The following TNK2 variants were observed in gnomAD, a reference collection of about 807,000 sequenced individuals.
TNK2 encodes tyrosine kinase non receptor 2.
Under a neutral mutation model 101.8 loss-of-function variants are expected in TNK2, and 83 were observed. The observed-to-expected ratio is 0.82, with a 90% CI of 0.68 to 0.98. TNK2 has a LOEUF of 0.98. TNK2 is among the 50% of genes least tolerant of loss of function. The pLI, the probability that TNK2 is intolerant of heterozygous loss-of-function variation, is 0.00. For synonymous variants in TNK2, 804 were observed against 633.0 expected (o/e 1.27, Z -4.06); for missense variants, 1,665 against 1,483.2 (o/e 1.12, Z -2.01).
chr3:195,901,133 C>T (rs4927791), intron 1 of TNK2, among the ~76,000 whole-genome samples: 42,512 of 151,804 alleles, frequency 0.28, 6,196 homozygotes, highest in African/African-American at 0.36. Context: ...GAGAAATGTC[C>T]GGTGCTTCAA....
At chr3:195,876,330 A>G (rs1749232107) in intron 9 of TNK2, 3 of 442,122 alleles carry the variant, frequency 6.8e-6, no homozygotes, top group African/African-American at 2.0e-5. Context: ...CCGCACCAGG[A>G]AACAAATACT....
chr3:195,865,300 A>T (rs1314379985), intron 15 of TNK2, among the ~76,000 whole-genome samples: 2 of 139,232 alleles, frequency 1.4e-5, no homozygotes, highest in Non-Finnish European at 3.1e-5. Context: ...ATCAGTAAGA[A>T]CCACCCGAGA....
chr3:195,901,379 C>T (rs143060720), intron 1 of TNK2, among the ~76,000 whole-genome samples: 2,269 of 152,252 alleles, frequency 0.015, 26 homozygotes, highest in Middle Eastern at 0.034. Context: ...AGAAGAGGCC[C>T]TGCTTCATTG....
At chr3:195,872,930 G>A (rs1429995243) in intron 9 of TNK2, 1 of 170,896 alleles carries the variant, frequency 5.9e-6, no homozygotes, top group Non-Finnish European at 1.3e-5. Flanking sequence ...CTGGGTTCCA[G>A]GAGTTCTGAG....
At chr3:195,872,183 G>C (rs1447417565) in intron 10 of TNK2, 93 bp downstream of exon 10, 2 of 1,401,160 alleles carry the variant, frequency 1.4e-6, no homozygotes, top group Non-Finnish European at 1.9e-6. Flanking sequence ...CGGGCGAAAG[G>C]GTGAAGAGCA....
rs1019072659 is a variant in TNK2, at chr3:195,895,406, G to T, written c.-18-6800C>A. 6 of 1,529,530 alleles carry T rather than the reference G, an allele frequency of 3.9e-6. No individual in the cohort carries two copies. In the African/African-American group the frequency reaches 8.6e-5, roughly 22 times the overall value. 94.7% of individuals were successfully genotyped at this position (1,529,530 alleles called of 1,614,324 possible). On this transcript the variant is annotated intron_variant, in intron 1 of 15. Coordinates refer to ENST00000672887, the MANE Select transcript of TNK2 (RefSeq NM_001382273.1). ...ACTGCCCTGCGTCCTGGGGGGCCGGGCCTCGAGCATCCTCCAGAAGTGCAG... is the reference window on the plus strand; with the variant it reads ...ACTGCCCTGCGTCCTGGGGGGCCGGTCCTCGAGCATCCTCCAGAAGTGCAG...
intron 1 of TNK2, among the ~76,000 whole-genome samples, chr3:195,890,281 C>T (rs1039204098): frequency 3.9e-5 from 6 of 152,142 alleles, no homozygotes; most frequent in Non-Finnish European, 2.9e-5. Flanking sequence ...GCCTTAGTGA[C>T]ATTCAGTGGG....
chr3:195,890,880 C>G (rs1173999150), intron 1 of TNK2, among the ~76,000 whole-genome samples: 1 of 152,202 alleles, frequency 6.6e-6, no homozygotes, highest in Admixed American at 6.5e-5. Flanking sequence ...TCAAAACTCC[C>G]CTCTCGGTCA....
chr3:195,875,668 C>A (rs890332265), intron 9 of TNK2, among the ~76,000 whole-genome samples: 1 of 152,182 alleles, frequency 6.6e-6, no homozygotes, highest in Non-Finnish European at 1.5e-5. Flanking sequence ...CTCTCTCTCC[C>A]GCCATGAACA....
intron 1 of TNK2, among the ~76,000 whole-genome samples, chr3:195,889,494 C>T (rs370822664): frequency 1.6e-4 from 25 of 152,312 alleles, no homozygotes; most frequent in East Asian, 1.5e-3. Context: ...CTTCTGCGGA[C>T]GCTTCAGACT....
intron 9 of TNK2, 94 bp from the exon 10 acceptor site, chr3:195,872,564 G>C: frequency 7.5e-7 from 1 of 1,332,386 alleles, no homozygotes; most frequent in Non-Finnish European, 1.0e-6. Flanking sequence ...TGGCAGAAGG[G>C]GGATGGAGCT....
Position 195,868,277 on chromosome 3 carries a change from AC to A in TNK2, c.2020del (p.Val674SerfsTer57). On this transcript the variant is annotated frameshift_variant, in exon 13 of 16. Transcript: ENST00000672887. LOFTEE classifies it high-confidence loss of function. Reference sequence around the variant, plus strand: ...CTGGCCCTGGCTGGGCCCGGCAGGGACCCCCGCGCCCACGAGGGTGCTGTTG... The same window carrying A: ...CTGGCCCTGGCTGGGCCCGGCAGGGACCCCGCGCCCACGAGGGTGCTGTTG... ...SINSTLVGAG[V>X]PAGPSQGQTN... 1.9e-6 allele frequency: 3 copies of A among 1,603,484 alleles called. No individual in the cohort carries two copies. The highest frequency in any genetic ancestry group is 8.5e-7 in the Non-Finnish European group (1 of 1,179,404).
chr3:195,868,173 C>G lies in TNK2; in HGVS notation c.2125G>C (p.Gly709Arg). 6.2e-7 allele frequency: 1 copy of G among 1,610,234 alleles called. No homozygotes were observed. ...TGTGCGGAGCTGGGCGGCTTGCCCC[C>G]ACCCTGGGGCGGGAGGAACAGGTTG... is the stretch of plus-strand genomic sequence containing the variant. ...EDNLFLPPQG[G>R]GKPPSSAQTA... Residue 709 changes from glycine to arginine, a missense_variant, in exon 13 of 16, where the codon GGG becomes CGG. This residue lies in a region of TNK2 where 1,136 missense variants were observed against 894.9 expected (regional missense o/e 1.27). Coordinates refer to ENST00000672887, the MANE Select transcript of TNK2 (RefSeq NM_001382273.1).
At position 195,878,914 on chromosome 3, in the gene TNK2, C is replaced by T. The variant is rs372184165; in HGVS notation, c.1014+135G>A. 4.8e-5 allele frequency: 66 copies of T among 1,385,276 alleles called. No individual in the cohort carries two copies. The East Asian group carries it at 5.2e-4, about 11-fold the overall frequency. 85.8% of individuals were successfully genotyped at this position (1,385,276 alleles called of 1,614,324 possible). A position where few individuals can be genotyped will look rare whatever the true frequency, so the allele number is the denominator to read the frequency against. ...GAGACACGGGGCGTGGTGGGAGGCA[C>T]GGGAAGTGGGGGGAGGCACGGGGCG... is the stretch of plus-strand genomic sequence containing the variant. On this transcript the variant is annotated intron_variant, in intron 7 of 15. Coordinates refer to ENST00000672887, the MANE Select transcript of TNK2 (RefSeq NM_001382273.1). This position sits in a 1 kb window ranked among gnomAD's most constrained non-coding sequence, Gnocchi z 4.7.
At chr3:195,875,816 C>T (rs1272007875) in intron 9 of TNK2, among the ~76,000 whole-genome samples, 3 of 152,180 alleles carry the variant, frequency 2.0e-5, no homozygotes, top group Non-Finnish European at 4.4e-5. Context: ...CTGCTGCCCC[C>T]GGGCCTCTGG....
chr3:195,877,604 A>T (rs1165407007), intron 9 of TNK2, among the ~76,000 whole-genome samples: 1 of 152,190 alleles, frequency 6.6e-6, no homozygotes, highest in Non-Finnish European at 1.5e-5. Flanking sequence ...CCAGTTGCTC[A>T]GACACCCTGG....
At chr3:195,876,489 A>T (rs1314275854) in intron 9 of TNK2, 2 of 456,808 alleles carry the variant, frequency 4.4e-6, no homozygotes, top group Non-Finnish European at 8.8e-6. Context: ...CAGCCAAACA[A>T]ACATGGAGAT....
intron 1 of TNK2, chr3:195,907,971 A>T (rs1761913412): frequency 6.6e-6 from 1 of 152,330 alleles, no homozygotes; most frequent in Admixed American, 6.5e-5. Context: ...GCGTGGCAGA[A>T]GCGGGCCAGG....
At chr3:195,889,522 A>G (rs774433789) in intron 1 of TNK2, among the ~76,000 whole-genome samples, 10 of 152,188 alleles carry the variant, frequency 6.6e-5, no homozygotes, top group Non-Finnish European at 1.5e-4. Flanking sequence ...CCCTACACGA[A>G]TATTCACGCA....
Sources: gnomAD v4.1 joint callset for allele counts (sites outside exome capture counted in the v4.1 genomes callset) on GRCh38, gnomAD v4.1.1 for gene constraint, gnomAD v4.1.1 regional missense constraint, Gnocchi (gnomAD v3.1) non-coding constraint, MANE v1.5 for transcripts, NCBI Gene and HGNC (gene_info 2026-07-23, HGNC 2026-07-21) for gene names.